Variants in CASP5 observed in about 807,000 individuals in gnomAD.
CASP5 encodes caspase-5.
A neutral mutation model predicts 45.2 loss-of-function variants in CASP5; 42 were observed. The observed-to-expected ratio is 0.93, with a 90% CI of 0.73 to 1.20. CASP5 has a LOEUF of 1.20. CASP5 is among the 50% of genes most tolerant of loss of function. The pLI is 0.00. For synonymous variants in CASP5, 209 were observed against 186.2 expected (o/e 1.12, Z -1.00); for missense variants, 512 against 532.2 (o/e 0.96, Z 0.37).
chr11:104,998,316 A>C (rs1451510813), intron 7 of CASP5, among the ~76,000 whole-genome samples: 1 of 152,150 alleles, frequency 6.6e-6, no homozygotes, highest in African/African-American at 2.4e-5. Context: ...GTAAAATAGA[A>C]AGCCCTTTAG....
At chr11:105,020,254 G>T (rs1436813443) in intron 1 of CASP5, among the ~76,000 whole-genome samples, 6 of 151,226 alleles carry the variant, frequency 4.0e-5, no homozygotes, top group African/African-American at 1.5e-4. Flanking sequence ...CACAAGACAG[G>T]GATGCCCTCT....
chr11:105,008,065 G>C (rs1288662944), intron 2 of CASP5, among the ~76,000 whole-genome samples: 1 of 152,058 alleles, frequency 6.6e-6, no homozygotes, highest in South Asian at 2.1e-4. Context: ...GGAAAATATA[G>C]ATATCAAAGT....
Position 104,997,428 on chromosome 11 carries a change from G to C in CASP5, c.1161C>G (p.Phe387Leu). ...SIFITELITC[F>L]QKYSCCCHLM... ...GGTGGCAGCAGCAAGAATATTTCTG[G>C]AAGCATGTGATGAGTTCCGTAATGA... Residue 387 changes from phenylalanine (F) to leucine (L), a missense_variant, in exon 8 of 10, where the codon TTC becomes TTG. Physicochemically the swap from Phe to Leu is conservative, Grantham distance 22. Transcript: ENST00000260315. The C allele has an allele frequency of 6.2e-7, 1 of 1,613,302 alleles. No individual in the cohort carries two copies. The highest frequency in any genetic ancestry group is 8.5e-7 in the Non-Finnish European group (1 of 1,179,334).
At chr11:105,003,636 G>A (rs1861861963) in intron 3 of CASP5, among the ~76,000 whole-genome samples, 1 of 151,728 alleles carries the variant, frequency 6.6e-6, no homozygotes, top group Non-Finnish European at 1.5e-5. Flanking sequence ...AAAAAATCTT[G>A]ATGATTTAAA....
rs200749075 is a variant in CASP5, at chr11:104,997,378, C to A, written c.1206+5G>T. 6.4e-7 allele frequency: 1 copy of A among 1,561,478 alleles called. No homozygotes were observed. The highest frequency in any genetic ancestry group is 1.4e-5 in the African/African-American group (1 of 73,904). Reference sequence around the variant, plus strand: ...AAATGACTAGAAAAGGAAATGGAAGCTTACCTTCCGAAATATTTCCATTAG... The same window carrying A: ...AAATGACTAGAAAAGGAAATGGAAGATTACCTTCCGAAATATTTCCATTAG... On this transcript the variant is annotated splice_donor_5th_base_variant and intron_variant, in intron 8 of 9. Transcript: ENST00000260315.
intron 1 of CASP5, among the ~76,000 whole-genome samples, chr11:105,021,693 C>T (rs1054525586): frequency 1.4e-5 from 2 of 147,214 alleles, no homozygotes; most frequent in African/African-American, 5.0e-5. Context: ...AAAATAGGAA[C>T]ACTTTTACAC....
chr11:105,012,929 A>G (rs545505), intron 1 of CASP5, among the ~76,000 whole-genome samples: 147,395 of 152,012 alleles, frequency 0.97, 71,614 homozygotes, highest in East Asian at 1. Flanking sequence ...TATTTAGTAT[A>G]TATTTTAAAC....
chr11:105,007,255 C>T lies in CASP5; in HGVS notation c.261G>A (p.Leu87=). ...KDVLHGVFNY[L]AKHDVLTLKE... ...TCAATGTCAGAACATCGTGTTTTGC[C>T]AAATAATTAAAAACACCATGAAGAA... The change falls in exon 3 of 10, where the codon TTG becomes TTA. Residue 87 remains leucine (L), a synonymous_variant. Coordinates refer to ENST00000260315, the MANE Select transcript of CASP5 (RefSeq NM_004347.5). 6.2e-7 allele frequency: 1 copy of T among 1,612,216 alleles called. No individual in the cohort carries two copies. Among genetic ancestry groups the T allele is most frequent in the Admixed American group, 1.7e-5 (1 of 59,946 alleles).
rs1299128613 is a variant in CASP5 at position 105,005,346 on chromosome 11, GTA to G, written c.433+1735_433+1736del. On this transcript the variant is annotated intron_variant, in intron 3 of 9. Transcript: ENST00000260315. Reference sequence around the variant, plus strand: ...AAATCAGATCATCGGTATATAGTGTGTATATATATATGTGTGTGTGTGTGTGT... The same window carrying G: ...AAATCAGATCATCGGTATATAGTGTGTATATATATGTGTGTGTGTGTGTGT... Among the ~76,000 whole-genome samples, 84 of 126,736 alleles carry G rather than the reference GTA, an allele frequency of 6.6e-4. No individual in the cohort carries two copies. In the East Asian group the frequency reaches 6.7e-3, roughly 10 times the overall value. 83.1% of individuals were successfully genotyped at this position (126,736 alleles called of 152,430 possible). A position where few individuals can be genotyped will look rare whatever the true frequency, so the allele number is the denominator to read the frequency against.
Position 105,008,790 on chromosome 11 carries a change from A to T in CASP5, c.181+17T>A. The T allele has an allele frequency of 6.4e-7, 1 of 1,570,572 alleles. No homozygotes were observed. The highest frequency in any genetic ancestry group is 8.7e-7 in the Non-Finnish European group (1 of 1,145,150). ...CTAAAAAATTGGAAATATCCATTGT[A>T]AAATATCCAGTCTTACTTTTTACAC... is the stretch of plus-strand genomic sequence containing the variant. On this transcript the variant is annotated intron_variant, in intron 2 of 9. Transcript: ENST00000260315.
chr11:105,017,698 A>G (rs1398466461), intron 1 of CASP5, among the ~76,000 whole-genome samples: 1 of 151,810 alleles, frequency 6.6e-6, no homozygotes, highest in Admixed American at 6.6e-5. Context: ...CCTGAAAGTG[A>G]CGGGGAGAAT....
At chr11:105,015,736 A>G (rs1327667269) in intron 1 of CASP5, among the ~76,000 whole-genome samples, 1 of 146,268 alleles carries the variant, frequency 6.8e-6, no homozygotes, top group Non-Finnish European at 1.5e-5. Flanking sequence ...AATGCTTTTT[A>G]GTATCATAAA....
In CASP5 at chr11:105,002,193, T is replaced by C; in HGVS notation, c.552A>G (p.Pro184=). ...LCKKNHDEIY[P]IKKREDRRRL... ...GTCTGCGGTCCTCTCTCTTTTTTAT[T>C]GGATAGATCTGCAGGAGATGGAGAT... Residue 184 remains proline (P), a synonymous_variant, in exon 5 of 10, where the codon CCA becomes CCG. Coordinates refer to ENST00000260315, the MANE Select transcript of CASP5 (RefSeq NM_004347.5). The C allele has an allele frequency of 2.5e-6, 4 of 1,614,008 alleles. No individual in the cohort carries two copies. Among genetic ancestry groups the C allele is most frequent in the South Asian group, 1.1e-5 (1 of 91,062 alleles).
chr11:105,014,942 G>A (rs1862515718), intron 1 of CASP5, among the ~76,000 whole-genome samples: 1 of 152,198 alleles, frequency 6.6e-6, no homozygotes, highest in Non-Finnish European at 1.5e-5. Context: ...AAGACTAGGA[G>A]GAATTTGCCC....
intron 6 of CASP5, among the ~76,000 whole-genome samples, chr11:104,999,671 T>G (rs1861629427): frequency 6.6e-6 from 1 of 152,204 alleles, no homozygotes; most frequent in African/African-American, 2.4e-5. Flanking sequence ...AATAGTGAAT[T>G]TATCATGTCA....
chr11:105,000,139 A>G, intron 6 of CASP5, 122 bp downstream of exon 6: 1 of 1,011,130 alleles, frequency 9.9e-7, no homozygotes, highest in Non-Finnish European at 1.5e-6. Context: ...GTTTCTTCAT[A>G]ATTCAATGTA....
intron 1 of CASP5, among the ~76,000 whole-genome samples, chr11:105,017,446 C>T (rs2134755429): frequency 6.6e-6 from 1 of 151,904 alleles, no homozygotes; most frequent in Middle Eastern, 3.4e-3. Flanking sequence ...ATAACCAATA[C>T]AGAGAAGTGC....
At chr11:105,016,429 G>A (rs1862594974) in intron 1 of CASP5, among the ~76,000 whole-genome samples, 1 of 152,166 alleles carries the variant, frequency 6.6e-6, no homozygotes, top group South Asian at 2.1e-4. Flanking sequence ...GCCAGACAGT[G>A]GGCGCAGGTC....
chr11:105,012,270 A>G (rs1862387071), intron 1 of CASP5, among the ~76,000 whole-genome samples: 1 of 151,854 alleles, frequency 6.6e-6, no homozygotes, highest in Non-Finnish European at 1.5e-5. Context: ...GCCACCATAT[A>G]CAAAAATCAA....
Sources: gnomAD v4.1 joint callset for allele counts (sites outside exome capture counted in the v4.1 genomes callset) on GRCh38, gnomAD v4.1.1 for gene constraint, MANE v1.5 for transcripts, NCBI Gene and HGNC (gene_info 2026-07-23, HGNC 2026-07-21) for gene names.